The following CFAP58 variants were observed in gnomAD, a reference collection of about 807,000 sequenced individuals.
CFAP58 encodes the protein cilia- and flagella-associated protein 58.
In CFAP58, 88 loss-of-function variants were observed where a neutral mutation model predicts 119.5. The ratio of observed to expected loss-of-function variants is 0.74; its 90% CI spans 0.62 to 0.88. The LOEUF (loss-of-function observed/expected upper bound fraction) is 0.88. CFAP58 is among the 40% of genes least tolerant of loss of function. The pLI is 0.00. For missense variants in CFAP58, 990 were observed against 1,021.2 expected (o/e 0.97, Z 0.42); for synonymous variants, 365 against 366.3 (o/e 1.00, Z 0.04).
chr10:104,438,600 C>A (rs1055528623), intron 15 of CFAP58, among the ~76,000 whole-genome samples: 7 of 152,054 alleles, frequency 4.6e-5, no homozygotes, highest in East Asian at 1.9e-4. Flanking sequence ...TGGTCTCGAT[C>A]CCCTGACCTC....
At chr10:104,361,219 C>T (rs2014662194) in intron 2 of CFAP58, among the ~76,000 whole-genome samples, 1 of 152,232 alleles carries the variant, frequency 6.6e-6, no homozygotes, top group African/African-American at 2.4e-5. Context: ...TCAAAATACA[C>T]ATTGCATTTT....
chr10:104,425,947 A>G (rs1278782126), intron 15 of CFAP58, among the ~76,000 whole-genome samples: 2 of 152,182 alleles, frequency 1.3e-5, no homozygotes, highest in African/African-American at 2.4e-5. Context: ...TAAAAAGACC[A>G]ACATAGACTG....
intron 16 of CFAP58, among the ~76,000 whole-genome samples, chr10:104,449,380 T>C (rs1255787186): frequency 6.6e-6 from 1 of 152,146 alleles, no homozygotes; most frequent in East Asian, 1.9e-4. Flanking sequence ...TCCTTTTCTC[T>C]TTTTGGTTTT....
At chr10:104,454,266 A>G (rs2013241695) in intron 17 of CFAP58, among the ~76,000 whole-genome samples, 156 bp from the exon 18 acceptor site, 1 of 152,194 alleles carries the variant, frequency 6.6e-6, no homozygotes, top group Non-Finnish European at 1.5e-5. Flanking sequence ...TGTTTTTTTC[A>G]GTGAACACCT....
chr10:104,376,914 C>T, intron 8 of CFAP58, 21 bp downstream of exon 8: 1 of 1,561,712 alleles, frequency 6.4e-7, no homozygotes. Flanking sequence ...TACAGTCACA[C>T]TGGTAAATAA....
rs749117192 is a variant in CFAP58 at position 104,400,852 on chromosome 10, G to A, written c.1988G>A (p.Arg663His). Residue 663 changes from arginine to histidine, a missense_variant, in exon 13 of 18, where the codon CGC (arginine) becomes CAC (histidine). By Grantham distance (29) the Arg-to-His change is conservative (BLOSUM62 0). Coordinates refer to ENST00000369704, the MANE Select transcript of CFAP58 (RefSeq NM_001008723.2). Reference sequence around the variant, plus strand: ...CTCAGACTTGAGATCAAGAAGCTTCGCCGGGAAAAGGGGATTCTTGCCAGG... The same window carrying A: ...CTCAGACTTGAGATCAAGAAGCTTCACCGGGAAAAGGGGATTCTTGCCAGG... ...RILRLEIKKL[R>H]REKGILARSM... 10 of 1,614,022 alleles carry A rather than the reference G, an allele frequency of 6.2e-6. No individual in the cohort carries two copies. The highest frequency in any genetic ancestry group is 1.7e-5 in the Admixed American group (1 of 59,996).
At chr10:104,425,902 T>C (rs553068011) in intron 15 of CFAP58, among the ~76,000 whole-genome samples, 13 of 152,100 alleles carry the variant, frequency 8.5e-5, no homozygotes, top group Non-Finnish European at 1.9e-4. Context: ...AGGGACAGGC[T>C]CTGGGGAGGA....
chr10:104,437,544 C>G (rs1424003688), intron 15 of CFAP58, among the ~76,000 whole-genome samples: 1 of 152,088 alleles, frequency 6.6e-6, no homozygotes, highest in Non-Finnish European at 1.5e-5. Flanking sequence ...TAAAACTAAA[C>G]TTTGCAAAAG....
At chr10:104,391,462 A>G (rs2012038510) in intron 9 of CFAP58, among the ~76,000 whole-genome samples, 1 of 152,158 alleles carries the variant, frequency 6.6e-6, no homozygotes, top group South Asian at 2.1e-4. Flanking sequence ...CCTTGATTTA[A>G]TCAGATTTCT....
chr10:104,454,371 C>A (rs750324958), intron 17 of CFAP58, 51 bp from the exon 18 acceptor site: 1 of 1,420,890 alleles, frequency 7.0e-7, no homozygotes, highest in Non-Finnish European at 1.0e-6. Context: ...AAATGTCAAA[C>A]TTAGACAAAA....
intron 15 of CFAP58, among the ~76,000 whole-genome samples, chr10:104,441,361 T>C (rs921354859): frequency 6.6e-6 from 1 of 152,230 alleles, no homozygotes; most frequent in African/African-American, 2.4e-5. Flanking sequence ...TATTGCTAAA[T>C]AAATACTTAG....
In CFAP58 at chr10:104,399,391, T is replaced by A. The variant is rs773132980; in HGVS notation, c.1706T>A (p.Leu569Gln). The A allele has an allele frequency of 1.9e-6, 3 of 1,613,750 alleles. No individual in the cohort carries two copies. Among genetic ancestry groups the A allele is most frequent in the Non-Finnish European group, 2.5e-6 (3 of 1,179,890 alleles). ...CTGCAGAAGCTGAGACAACAAGCCC[T>A]GGAGACAAAACACTTTATTGAAAAG... ...AELQKLRQQA[L>Q]ETKHFIEKQE... The change falls in exon 12 of 18, where the codon CTG becomes CAG. Residue 569 changes from leucine (L) to glutamine (Q), a missense_variant. Transcript: ENST00000369704.
chr10:104,399,265 T>C, intron 11 of CFAP58, 95 bp from the exon 12 acceptor site: 5 of 1,359,266 alleles, frequency 3.7e-6, no homozygotes, highest in Non-Finnish European at 5.0e-6. Context: ...GAGGAAAGAG[T>C]AAGAAGCACA....
At chr10:104,393,499 A>G in intron 11 of CFAP58, 24 bp downstream of exon 11, 1 of 1,601,260 alleles carries the variant, frequency 6.2e-7, no homozygotes, top group Non-Finnish European at 8.5e-7. Context: ...AGTAAAAGCA[A>G]AGTACCAACA....
intron 4 of CFAP58, 128 bp from the exon 5 acceptor site, chr10:104,365,685 TA>T (rs1217440155): frequency 7.1e-6 from 5 of 699,442 alleles, no homozygotes; most frequent in Admixed American, 2.7e-5. Flanking sequence ...GTCTGCCCTA[TA>T]GGGGAAATGC....
chr10:104,392,163 T>TC, intron 9 of CFAP58, 70 bp from the exon 10 acceptor site: 1 of 1,396,448 alleles, frequency 7.2e-7, no homozygotes, highest in Non-Finnish European at 9.9e-7. Flanking sequence ...GATAAAAAAC[T>TC]CCATTTGTCC....
intron 7 of CFAP58, among the ~76,000 whole-genome samples, chr10:104,375,796 G>C (rs12269518): frequency 6.7e-6 from 1 of 149,882 alleles, no homozygotes; most frequent in East Asian, 2.0e-4. Flanking sequence ...GGTCGGGGGG[G>C]GCTTCCATGC....
rs2133050890 is a variant in CFAP58, at chr10:104,406,778, A to G, written c.2241A>G (p.Lys747=). The G allele has an allele frequency of 6.2e-7, 1 of 1,614,168 alleles. No individual in the cohort carries two copies. The highest frequency in any genetic ancestry group is 8.5e-7 in the Non-Finnish European group (1 of 1,179,990). The change falls in exon 15 of 18, where the codon AAA becomes AAG. Residue 747 remains lysine (K), a synonymous_variant. Coordinates refer to ENST00000369704, the MANE Select transcript of CFAP58 (RefSeq NM_001008723.2). ...GCAAGACTGAAGAGGTGGTTGAAAA[A>G]GAGCTGCTCCTCCAGGTAGCATTTT... ...LISKTEEVVE[K]ELLLQEKEKL...
chr10:104,346,631 G>GTTTTTTTTTT, the CFAP58 span, among the ~76,000 whole-genome samples: 6 of 94,878 alleles, frequency 6.3e-5, no homozygotes, highest in African/African-American at 1.9e-4. Context: ...GAGCCATTTA[G>GTTTTTTTTTT]TCTTTTTTTT....
Sources: allele counts gnomAD v4.1 joint callset (sites outside exome capture counted in the v4.1 genomes callset), GRCh38; gene constraint gnomAD v4.1.1; transcripts MANE v1.5; gene names NCBI Gene and HGNC (gene_info 2026-07-23, HGNC 2026-07-21).